DCUN1D4: variants seen among roughly 807,000 people sequenced by gnomAD.
DCUN1D4 encodes defective in cullin neddylation 1 domain containing 4, also known as DCN1-like protein 4.
DCUN1D4 carries 22 observed loss-of-function variants against 47.9 expected under a neutral mutation model. The observed-to-expected ratio is 0.46, with a 90% CI of 0.33 to 0.66. DCUN1D4 has a LOEUF of 0.66. Ranked by LOEUF, DCUN1D4 falls within the 30% of genes least tolerant of loss-of-function variation. The pLI is 0.02. For synonymous variants in DCUN1D4, 121 were observed against 112.2 expected, an observed-to-expected ratio of 1.08 and a Z score of -0.50; for missense variants, 301 against 340.8, an observed-to-expected ratio of 0.88 and a Z score of 0.92.
chr4:51,910,860 A>G (rs1733620519), intron 8 of DCUN1D4: 1 of 554,558 alleles, frequency 1.8e-6, no homozygotes, highest in East Asian at 3.1e-5. Flanking sequence ...AATCTTTCTC[A>G]CAGTAAATTT....
upstream of DCUN1D4, among the ~76,000 whole-genome samples, chr4:51,842,712 G>T (rs541016568): frequency 6.6e-6 from 1 of 152,162 alleles, no homozygotes; most frequent in Non-Finnish European, 1.5e-5. Flanking sequence ...CAGCTGGTAC[G>T]AGCCGCCCCC....
the DCUN1D4 span, among the ~76,000 whole-genome samples, chr4:51,834,592 T>TTTTTAATC: frequency 1.5e-4 from 23 of 152,300 alleles, no homozygotes; most frequent in African/African-American, 5.1e-4. Context: ...GTTCAAGCTC[T>TTTTTAATC]TTTTAATCTT....
chr4:51,889,664 G>A (rs540647816), intron 6 of DCUN1D4, among the ~76,000 whole-genome samples: 10 of 152,182 alleles, frequency 6.6e-5, no homozygotes, highest in African/African-American at 2.4e-4. Flanking sequence ...AATAGAGATG[G>A]TTTGAGAATA....
At chr4:51,843,675 C>CG in intron 1 of DCUN1D4, 1 of 1,231,608 alleles carries the variant, frequency 8.1e-7, no homozygotes. Context: ...AGCGAGCGAG[C>CG]GAGCGGGGCA....
the DCUN1D4 span, among the ~76,000 whole-genome samples, chr4:51,834,081 TCTC>T: frequency 0.052 from 6,159 of 117,658 alleles, 450 homozygotes; most frequent in East Asian, 0.11. Flanking sequence ...TCTCTCTCTC[TCTC>T]TCTTTTCTTT....
upstream of DCUN1D4, among the ~76,000 whole-genome samples, chr4:51,840,782 C>T (rs183821883): frequency 6.6e-6 from 1 of 152,134 alleles, no homozygotes; most frequent in African/African-American, 2.4e-5. Context: ...ATTTGCAGAG[C>T]ATTATGTAGT....
chr4:51,879,629 C>G (rs1025340688), intron 5 of DCUN1D4, among the ~76,000 whole-genome samples: 3 of 152,220 alleles, frequency 2.0e-5, no homozygotes, highest in Non-Finnish European at 2.9e-5. Context: ...ATAATTGACA[C>G]TGTACCAGAT....
Position 51,891,841 on chromosome 4 carries a change from A to G in DCUN1D4, c.496A>G (p.Thr166Ala), listed in dbSNP as rs1359040522. ...TCTACAGGAGTGGTTAAAAGGAATG[A>G]CTTCTCTCCAGTAAGTCCTAGGCTG... is the stretch of plus-strand genomic sequence containing the variant. ...FTLQEWLKGM[T>A]SLQCDTTEKL... The change falls in exon 7 of 11, where the codon ACT becomes GCT. Residue 166 changes from threonine (T) to alanine (A), a missense_variant. Physicochemically the swap from Thr to Ala is moderately conservative, Grantham distance 58. Coordinates refer to ENST00000334635, the MANE Select transcript of DCUN1D4 (RefSeq NM_001040402.3). 6.2e-7 allele frequency: 1 copy of G among 1,610,364 alleles called. No homozygotes were observed. The highest frequency in any genetic ancestry group is 8.5e-7 in the Non-Finnish European group (1 of 1,178,138).
At chr4:51,843,592 G>GT in intron 1 of DCUN1D4, 2 of 1,267,640 alleles carry the variant, frequency 1.6e-6, no homozygotes, top group South Asian at 6.3e-5. Context: ...GTGCATGGAG[G>GT]TGGAGGCAGC....
rs1283856257 is a variant in DCUN1D4 at position 51,874,199 on chromosome 4, T to A, written c.137-72T>A. 1.4e-5 allele frequency: 13 copies of A among 951,704 alleles called. No homozygotes were observed. The Admixed American group carries it at 3.0e-4, about 22-fold the overall frequency. 59.0% of individuals were successfully genotyped at this position (951,704 alleles called of 1,614,324 possible). A position where few individuals can be genotyped will look rare whatever the true frequency, so the allele number is the denominator to read the frequency against. ...GCTGTGGAAGTGTTTAAATTAGCAG[T>A]ACTGTTCTTTGGAAGTACAGAGTTA... is the stretch of plus-strand genomic sequence containing the variant. On this transcript the variant is annotated intron_variant, in intron 3 of 10. Transcript: ENST00000334635.
chr4:51,863,788 C>T (rs1212809233), intron 3 of DCUN1D4, 79 bp downstream of exon 3: 1 of 1,423,680 alleles, frequency 7.0e-7, no homozygotes, highest in East Asian at 2.3e-5. Flanking sequence ...TATGAATGCG[C>T]TATGTTGTCA....
chr4:51,885,512 G>A (rs1275137729), intron 5 of DCUN1D4, among the ~76,000 whole-genome samples: 1 of 147,716 alleles, frequency 6.8e-6, no homozygotes, highest in Non-Finnish European at 1.5e-5. Flanking sequence ...TTGAAAATGT[G>A]AAATGCGGGA....
At chr4:51,888,509 G>A (rs1439923331) in intron 6 of DCUN1D4, among the ~76,000 whole-genome samples, 1 of 152,002 alleles carries the variant, frequency 6.6e-6, no homozygotes, top group Non-Finnish European at 1.5e-5. Flanking sequence ...GGGAGGCCGA[G>A]ACAGGCGGAT....
intron 7 of DCUN1D4, among the ~76,000 whole-genome samples, chr4:51,895,587 A>C (rs1731139528): frequency 8.2e-6 from 1 of 122,026 alleles, no homozygotes; most frequent in South Asian, 2.6e-4. Flanking sequence ...AAAAAAAAAA[A>C]ACAGTGACAA....
intron 1 of DCUN1D4, among the ~76,000 whole-genome samples, chr4:51,849,609 A>G (rs941679401): frequency 2.0e-5 from 3 of 152,144 alleles, no homozygotes; most frequent in African/African-American, 7.2e-5. Flanking sequence ...AGGAGGACAC[A>G]GTCGATATCA....
chr4:51,854,754 T>C (rs1723874526), intron 1 of DCUN1D4, among the ~76,000 whole-genome samples: 1 of 152,226 alleles, frequency 6.6e-6, no homozygotes, highest in Non-Finnish European at 1.5e-5. Context: ...AAGCATTTAT[T>C]CCCCTATTTA....
At chr4:51,876,019 T>G (rs989346749) in intron 4 of DCUN1D4, among the ~76,000 whole-genome samples, 1 of 152,194 alleles carries the variant, frequency 6.6e-6, no homozygotes, top group Non-Finnish European at 1.5e-5. Context: ...AATACAAAAC[T>G]GCTGGTTTGC....
At chr4:51,872,234 A>G (rs879043299) in intron 3 of DCUN1D4, among the ~76,000 whole-genome samples, 2 of 152,198 alleles carry the variant, frequency 1.3e-5, no homozygotes, top group Non-Finnish European at 2.9e-5. Context: ...CACCTTAGGA[A>G]CTTAGCACAG....
chr4:51,844,522 CG>C, intron 1 of DCUN1D4: 1 of 483,010 alleles, frequency 2.1e-6, no homozygotes, highest in Non-Finnish European at 2.7e-6. Context: ...GGCTTGGCGC[CG>C]GGGAGGTGTC....
Sources: gnomAD v4.1 joint callset for allele counts (sites outside exome capture counted in the v4.1 genomes callset) on GRCh38, gnomAD v4.1.1 for gene constraint, MANE v1.5 for transcripts, NCBI Gene and HGNC (gene_info 2026-07-23, HGNC 2026-07-21) for gene names.